POU6F2: variants seen among roughly 807,000 people sequenced by gnomAD.
POU6F2 encodes POU class 6 homeobox 2.
In POU6F2, 31 loss-of-function variants were observed where a neutral mutation model predicts 71.3. That is an observed-to-expected ratio of 0.43 (90% CI 0.33 to 0.59). POU6F2 has a LOEUF of 0.59. POU6F2 is among the 20% of genes least tolerant of loss of function. POU6F2 has a pLI of 0.04. For synonymous variants in POU6F2, 347 were observed against 355.7 expected (o/e 0.98, Z 0.27); for missense variants, 783 against 856.8 (o/e 0.91, Z 1.07).
intron 2 of POU6F2, among the ~76,000 whole-genome samples, chr7:39,140,478 T>C (rs1792473598): frequency 6.6e-6 from 1 of 152,220 alleles, no homozygotes; most frequent in Non-Finnish European, 1.5e-5. Flanking sequence ...GTTGATTCCC[T>C]CTAGGGACTC....
chr7:39,233,902 G>A lies in POU6F2; in HGVS notation c.598+26282G>A, dbSNP rs533420255. Among the ~76,000 whole-genome samples, 41 of 152,218 alleles carry A rather than the reference G, an allele frequency of 2.7e-4. No homozygotes were observed. The South Asian group carries it at 7.5e-3, about 28-fold the overall frequency. On this transcript the variant is annotated intron_variant, in intron 4 of 9. Coordinates refer to ENST00000518318, the MANE Select transcript of POU6F2 (RefSeq NM_001370959.1). ...TTCTGGTTGTGAAATCAGAGCATGGGGATATTTCCTCTGAGGCTTTTCATT... is the reference window on the plus strand; with the variant it reads ...TTCTGGTTGTGAAATCAGAGCATGGAGATATTTCCTCTGAGGCTTTTCATT...
chr7:39,088,199 A>G lies in POU6F2; in HGVS notation c.277+2168A>G, dbSNP rs1407548188. 2.6e-5 allele frequency among the ~76,000 whole-genome samples: 4 copies of G among 152,184 alleles called. No individual in the cohort carries two copies. The East Asian group carries it at 7.7e-4, about 29-fold the overall frequency. ...AGATCAAGAAGAAAGCAGTAGATTA[A>G]CAGTTTTGAGAACTTGAGAAAAAAT... On this transcript the variant is annotated intron_variant, in intron 2 of 9. Coordinates refer to ENST00000518318, the MANE Select transcript of POU6F2 (RefSeq NM_001370959.1).
intron 5 of POU6F2, among the ~76,000 whole-genome samples, chr7:39,381,343 T>A (rs1467812415): frequency 6.6e-6 from 1 of 152,188 alleles, no homozygotes; most frequent in East Asian, 1.9e-4. Context: ...GTTCAAGCTA[T>A]TCTTGTGCTT....
At chr7:39,122,425 G>T (rs1484241653) in intron 2 of POU6F2, among the ~76,000 whole-genome samples, 1 of 152,168 alleles carries the variant, frequency 6.6e-6, no homozygotes, top group African/African-American at 2.4e-5. Flanking sequence ...ACCTGAATGG[G>T]CATGTTCATA....
intron 2 of POU6F2, among the ~76,000 whole-genome samples, chr7:39,197,765 C>T (rs1244847504): frequency 6.6e-6 from 1 of 152,206 alleles, no homozygotes; most frequent in Non-Finnish European, 1.5e-5. Context: ...TGTCTGACTT[C>T]GTTCCGCTGA....
intron 4 of POU6F2, among the ~76,000 whole-genome samples, chr7:39,228,948 C>T (rs1482461019): frequency 6.6e-6 from 1 of 152,142 alleles, no homozygotes; most frequent in African/African-American, 2.4e-5. Context: ...ACTCTGGGGA[C>T]CAGGCTTAGG....
chr7:39,006,923 A>G, intron 1 of POU6F2: 2 of 1,529,118 alleles, frequency 1.3e-6, no homozygotes, highest in East Asian at 2.3e-5. Context: ...CAAATTTATA[A>G]TCTGTGAGTT....
intron 7 of POU6F2, among the ~76,000 whole-genome samples, chr7:39,443,735 G>A (rs1172751702): frequency 6.6e-6 from 1 of 152,166 alleles, no homozygotes; most frequent in Non-Finnish European, 1.5e-5. Flanking sequence ...AAGGTATAAG[G>A]ATAGTGGTCT....
chr7:39,030,857 C>A (rs563636872), intron 1 of POU6F2, among the ~76,000 whole-genome samples: 3 of 150,764 alleles, frequency 2.0e-5, no homozygotes, highest in South Asian at 2.1e-4. Flanking sequence ...TCCTGCCCCC[C>A]CCAAAAAAAA....
intron 1 of POU6F2, among the ~76,000 whole-genome samples, chr7:38,989,827 T>TTTGTG (rs1562656541): frequency 1.5e-5 from 2 of 130,240 alleles, no homozygotes; most frequent in African/African-American, 2.8e-5. Flanking sequence ...GTGTGTGTGT[T>TTTGTG]TGTGTGTGTG....
At chr7:39,354,026 C>T (rs1583545985) in intron 5 of POU6F2, among the ~76,000 whole-genome samples, 1 of 152,208 alleles carries the variant, frequency 6.6e-6, no homozygotes, top group Admixed American at 6.5e-5. Flanking sequence ...AACACCCGCC[C>T]GCTCCAGGCG....
At chr7:39,282,324 T>C (rs1311268867) in intron 4 of POU6F2, among the ~76,000 whole-genome samples, 2 of 152,210 alleles carry the variant, frequency 1.3e-5, no homozygotes, top group Non-Finnish European at 1.5e-5. Flanking sequence ...TATATATTTC[T>C]GTTGCCTGTA....
chr7:39,154,579 C>T (rs761189954), intron 2 of POU6F2, among the ~76,000 whole-genome samples: 2 of 152,046 alleles, frequency 1.3e-5, no homozygotes, highest in Non-Finnish European at 2.9e-5. Context: ...ATAGTTGATC[C>T]GTTTTATTGA....
intron 5 of POU6F2, among the ~76,000 whole-genome samples, chr7:39,345,263 G>A (rs1183690690): frequency 6.8e-6 from 1 of 147,892 alleles, no homozygotes. Flanking sequence ...TTTGGTTCCT[G>A]AAATGAGTGC....
At chr7:39,213,309 A>G (rs1246214468) in intron 4 of POU6F2, among the ~76,000 whole-genome samples, 2 of 152,156 alleles carry the variant, frequency 1.3e-5, no homozygotes, top group Non-Finnish European at 2.9e-5. Context: ...CCCCAAATTA[A>G]AGCCTGTGGA....
intron 1 of POU6F2, among the ~76,000 whole-genome samples, chr7:39,027,715 TCTC>T (rs1789844325): frequency 6.6e-6 from 1 of 152,130 alleles, no homozygotes; most frequent in South Asian, 2.1e-4. Context: ...GCTAATCAAA[TCTC>T]CTTCTCTTCC....
At chr7:39,280,801 C>A (rs909319680) in intron 4 of POU6F2, among the ~76,000 whole-genome samples, 1 of 152,162 alleles carries the variant, frequency 6.6e-6, no homozygotes, top group African/African-American at 2.4e-5. Context: ...AACTGAAGCA[C>A]TGGGAATAAA....
At chr7:39,185,879 G>A (rs13308401) in intron 2 of POU6F2, among the ~76,000 whole-genome samples, 1 of 148,550 alleles carries the variant, frequency 6.7e-6, no homozygotes, top group Admixed American at 6.8e-5. Context: ...ATATGTATAT[G>A]TATATATTTA....
intron 1 of POU6F2, among the ~76,000 whole-genome samples, chr7:39,009,370 T>A (rs1789190591): frequency 6.6e-6 from 1 of 152,254 alleles, no homozygotes; most frequent in South Asian, 2.1e-4. Context: ...GTACATTGAT[T>A]TTGTATCCTG....
Sources: allele counts gnomAD v4.1 joint callset (sites outside exome capture counted in the v4.1 genomes callset), GRCh38; gene constraint gnomAD v4.1.1; transcripts MANE v1.5; gene names NCBI Gene and HGNC (gene_info 2026-07-23, HGNC 2026-07-21).